Variants in RELN observed in about 807,000 individuals in gnomAD.
The protein encoded by RELN is reelin.
In RELN, 108 loss-of-function variants were observed where a neutral mutation model predicts 427.6. The ratio of observed to expected loss-of-function variants is 0.25; its 90% CI spans 0.22 to 0.30. The LOEUF is 0.30. Among genes scored for constraint, RELN ranks in the 10% least tolerant of loss-of-function variants. The probability of loss-of-function intolerance (pLI) is 1.00; values close to 1 mark genes in which losing one functional copy is unlikely to be tolerated. For missense variants in RELN, 3,715 were observed against 4,302.8 expected (o/e 0.86, Z 3.82); for synonymous variants, 1,524 against 1,513.4 (o/e 1.01, Z -0.16).
At chr7:103,516,316 C>T (rs1192574580) in intron 49 of RELN, among the ~76,000 whole-genome samples, 2 of 144,108 alleles carry the variant, frequency 1.4e-5, no homozygotes, top group East Asian at 2.1e-4. Flanking sequence ...ACAGAGATCT[C>T]ACTCTGTTGC....
chr7:103,545,055 C>T, intron 42 of RELN, 69 bp downstream of exon 42: 2 of 1,114,870 alleles, frequency 1.8e-6, no homozygotes, highest in South Asian at 2.5e-5. Flanking sequence ...GATTAGTTAT[C>T]TACCAAAAAT....
intron 5 of RELN, among the ~76,000 whole-genome samples, chr7:103,751,237 C>T (rs139434330): frequency 1.1e-3 from 163 of 152,286 alleles, no homozygotes; most frequent in African/African-American, 3.8e-3. Context: ...AAAAAACTCT[C>T]ATAACTTTTT....
At chr7:103,633,395 T>G (rs962569032) in intron 19 of RELN, among the ~76,000 whole-genome samples, 3 of 151,948 alleles carry the variant, frequency 2.0e-5, no homozygotes, top group African/African-American at 7.2e-5. Flanking sequence ...ATGTATCAAC[T>G]TCCCCTTCTG....
At position 103,650,731 on chromosome 7, in the gene RELN, T is replaced by C. The variant is rs183093022; in HGVS notation, c.1893-348A>G. ...GCCTCAAAATCCTGGGCTCAAGCTA[T>C]GCTCCTGCCTCAGCCTCCTGAGTAG... On this transcript the variant is annotated intron_variant, in intron 15 of 64. Coordinates refer to ENST00000428762, the MANE Select transcript of RELN (RefSeq NM_005045.4). Among the ~76,000 whole-genome samples, 112 of 152,256 alleles carry C rather than the reference T, an allele frequency of 7.4e-4. 2 individuals are homozygous for C. In the East Asian group the frequency reaches 0.018, roughly 24 times the overall value.
chr7:103,784,817 G>C (rs1395315343), intron 3 of RELN, among the ~76,000 whole-genome samples: 1 of 152,084 alleles, frequency 6.6e-6, no homozygotes, highest in African/African-American at 2.4e-5. Context: ...GTGTACCCTA[G>C]GCACAGGGAT....
At chr7:103,764,827 C>T (rs898386483) in intron 4 of RELN, among the ~76,000 whole-genome samples, 1 of 135,378 alleles carries the variant, frequency 7.4e-6, no homozygotes, top group Non-Finnish European at 1.5e-5. Context: ...AAGAGTGAGA[C>T]TCCTCTCAAA....
intron 3 of RELN, among the ~76,000 whole-genome samples, chr7:103,808,706 T>C (rs1312795868): frequency 6.6e-6 from 1 of 151,804 alleles, no homozygotes; most frequent in Non-Finnish European, 1.5e-5. Context: ...GAAAGACCAA[T>C]AGAAGATTTG....
At chr7:103,556,791 C>A (rs1007061776) in intron 38 of RELN, among the ~76,000 whole-genome samples, 186 bp downstream of exon 38, 1 of 152,168 alleles carries the variant, frequency 6.6e-6, no homozygotes, top group Non-Finnish European at 1.5e-5. Context: ...TCTTCCCAGT[C>A]TGGGTTTGTC....
In RELN at chr7:103,603,342, C is replaced by A. The variant is rs997809914; in HGVS notation, c.3295G>T (p.Gly1099Cys). ...GEIVKPEQGCGVISSGSSLYF... is the reference protein window; with the variant it reads ...GEIVKPEQGCCVISSGSSLYF... ...AGAGATGATCCAGAAGAGATGACAC[C>A]ACACCCTTGTTCTGGTTTTACAATT... is the stretch of plus-strand genomic sequence containing the variant. Residue 1099 changes from glycine (G) to cysteine (C), a missense_variant, in exon 24 of 65, where the codon GGT becomes TGT. Gly to Cys is a radical substitution (Grantham distance 159, BLOSUM62 -3). This residue lies in a region of RELN where 2,208 missense variants were observed against 2,361.7 expected (regional missense o/e 0.93). Coordinates refer to ENST00000428762, the MANE Select transcript of RELN (RefSeq NM_005045.4). This position sits in a 1 kb window ranked among gnomAD's most constrained non-coding sequence, Gnocchi z 4.3. 2 of 1,613,882 alleles carry A rather than the reference C, an allele frequency of 1.2e-6. No homozygotes were observed.
intron 42 of RELN, among the ~76,000 whole-genome samples, chr7:103,543,562 CT>C (rs1830221041): frequency 6.6e-6 from 1 of 152,134 alleles, no homozygotes; most frequent in Admixed American, 6.5e-5. Context: ...AGGAGAATTA[CT>C]TGAACCCGGG....
intron 1 of RELN, among the ~76,000 whole-genome samples, chr7:103,952,677 G>T (rs1057157082): frequency 1.3e-5 from 2 of 152,088 alleles, no homozygotes; most frequent in Non-Finnish European, 2.9e-5. Context: ...GAGACATGAA[G>T]AAGTAATATC....
At chr7:103,980,836 T>C (rs1336113816) in intron 1 of RELN, among the ~76,000 whole-genome samples, 1 of 152,290 alleles carries the variant, frequency 6.6e-6, no homozygotes, top group Non-Finnish European at 1.5e-5. Context: ...GTGCTTGAAA[T>C]TGGAGTGTAA....
chr7:103,599,296 G>A lies in RELN; in HGVS notation c.3334-2635C>T, dbSNP rs362673. Among the ~76,000 whole-genome samples the A allele has an allele frequency of 6.3e-3, 952 of 151,614 alleles. 6 individuals carry two copies. Among genetic ancestry groups the A allele is most frequent in the African/African-American group, 0.019 (788 of 41,268 alleles). ...AGTCTTTCTTCAACAATTATACCAG[G>A]CAGAACACCATGTATTATAAAAACA... On this transcript the variant is annotated intron_variant, in intron 24 of 64. Coordinates refer to ENST00000428762, the MANE Select transcript of RELN (RefSeq NM_005045.4).
intron 46 of RELN, among the ~76,000 whole-genome samples, chr7:103,526,450 A>G (rs538885030): frequency 6.6e-6 from 1 of 152,330 alleles, no homozygotes; most frequent in Non-Finnish European, 1.5e-5. Context: ...AACATGTATA[A>G]TAAGGGAGTT....
At chr7:103,650,448 A>G in intron 15 of RELN, 65 bp from the exon 16 acceptor site, 2 of 998,250 alleles carry the variant, frequency 2.0e-6, no homozygotes, top group Admixed American at 3.4e-5. Context: ...TCTATTTTAC[A>G]TGGTTTTCAT....
chr7:103,637,932 G>C lies in RELN; in HGVS notation c.2070-1464C>G, dbSNP rs1359938445. On this transcript the variant is annotated intron_variant, in intron 17 of 64. Coordinates refer to ENST00000428762, the MANE Select transcript of RELN (RefSeq NM_005045.4). ...TGTGTCTTCTCAGGACAAGTGACTG[G>C]GAGAAACTGGTGATCGTTTAGAGAT... 3.9e-5 allele frequency among the ~76,000 whole-genome samples: 6 copies of C among 152,204 alleles called. No individual in the cohort carries two copies. The East Asian group carries it at 1.2e-3, about 29-fold the overall frequency.
chr7:103,900,421 T>G (rs181223440), intron 2 of RELN, among the ~76,000 whole-genome samples: 79 of 152,256 alleles, frequency 5.2e-4, no homozygotes, highest in African/African-American at 1.9e-3. Flanking sequence ...ACCACTGACT[T>G]TCTTGACAGA....
intron 4 of RELN, among the ~76,000 whole-genome samples, chr7:103,765,138 A>G (rs1791398039): frequency 6.6e-6 from 1 of 152,318 alleles, no homozygotes; most frequent in Non-Finnish European, 1.5e-5. Context: ...GAAGTTCAGG[A>G]TGAAATACTT....
chr7:103,600,997 T>A (rs913618327), intron 24 of RELN, among the ~76,000 whole-genome samples: 22 of 152,224 alleles, frequency 1.4e-4, no homozygotes, highest in Non-Finnish European at 2.9e-4. Flanking sequence ...ACAGTTGTTA[T>A]AACTTTGCAA....
Sources: gnomAD v4.1 joint callset for allele counts (sites outside exome capture counted in the v4.1 genomes callset) on GRCh38, gnomAD v4.1.1 for gene constraint, gnomAD v4.1.1 regional missense constraint, Gnocchi (gnomAD v3.1) non-coding constraint, MANE v1.5 for transcripts, NCBI Gene and HGNC (gene_info 2026-07-23, HGNC 2026-07-21) for gene names.